Variants in RUVBL2 observed in about 807,000 individuals in gnomAD.
RUVBL2 encodes the protein RuvB like AAA ATPase 2.
RUVBL2 carries 9 observed loss-of-function variants against 57.9 expected under a neutral mutation model. That is an observed-to-expected ratio of 0.16 (90% CI 0.09 to 0.27). The LOEUF is 0.27. RUVBL2 is among the 10% of genes least tolerant of loss of function. The probability of loss-of-function intolerance (pLI) is 1.00; values close to 1 mark genes in which losing one functional copy is unlikely to be tolerated. For missense variants in RUVBL2, 456 were observed against 669.6 expected (o/e 0.68, Z 3.52); for synonymous variants, 278 against 264.6 (o/e 1.05, Z -0.49).
chr19:49,007,833 T>C (rs1392323724), intron 6 of RUVBL2, among the ~76,000 whole-genome samples: 1 of 151,892 alleles, frequency 6.6e-6, no homozygotes, highest in Non-Finnish European at 1.5e-5. Flanking sequence ...GCCTTCCGAG[T>C]AGCTGAGATT....
Position 49,010,478 on chromosome 19 carries a change from C to CCCCCCCCCCCCCCCCCT in RUVBL2, c.664-10_664-9insCCCCCCCCCCCCCCCCT. 1 of 1,574,634 alleles carries CCCCCCCCCCCCCCCCCT rather than the reference C, an allele frequency of 6.4e-7. No homozygotes were observed. The highest frequency in any genetic ancestry group is 8.7e-7 in the Non-Finnish European group (1 of 1,147,028). On this transcript the variant is annotated splice_polypyrimidine_tract_variant and intron_variant, in intron 8 of 14. Transcript: ENST00000595090. ...GTCTCCGCCGTTCTTCCCCCACCCCCGCCCCATAGACCAAGTTCGTGCAGT... is the reference window on the plus strand; with the variant it reads ...GTCTCCGCCGTTCTTCCCCCACCCCCCCCCCCCCCCCCCCCCTGCCCCATAGACCAAGTTCGTGCAGT...
chr19:48,996,749 A>G (rs1394570452), intron 1 of RUVBL2, among the ~76,000 whole-genome samples: 3 of 151,632 alleles, frequency 2.0e-5, no homozygotes, highest in Non-Finnish European at 4.4e-5. Flanking sequence ...CTAGTCTCGA[A>G]CTCCTGACCT....
chr19:48,993,605 G>GACC (rs2038989330), upstream of RUVBL2: 1 of 541,512 alleles, frequency 1.8e-6, no homozygotes, highest in Admixed American at 3.2e-5. Context: ...GAGCGTGGAG[G>GACC]ACGTGTGGTT....
chr19:49,006,461 A>T (rs1414010100), intron 4 of RUVBL2, among the ~76,000 whole-genome samples: 2 of 152,172 alleles, frequency 1.3e-5, no homozygotes, highest in East Asian at 3.9e-4. Context: ...GCCTGCCCAT[A>T]GTCACTCCTA....
intron 4 of RUVBL2, among the ~76,000 whole-genome samples, chr19:49,006,362 C>A (rs1316564168): frequency 1.3e-5 from 2 of 152,244 alleles, no homozygotes; most frequent in African/African-American, 4.8e-5. Flanking sequence ...TGCCAGCCAC[C>A]CCAGGCCACC....
At position 49,005,416 on chromosome 19, in the gene RUVBL2, G is replaced by A. The variant is rs188634906; in HGVS notation, c.265+998G>A. ...CTTCCAAGGCGACATGTGTTACAAT[G>A]CAGGTAGCATGTGACAGAGGAGGCT... is the stretch of plus-strand genomic sequence containing the variant. On this transcript the variant is annotated intron_variant, in intron 4 of 14. Coordinates refer to ENST00000595090, the MANE Select transcript of RUVBL2 (RefSeq NM_006666.3). Among the ~76,000 whole-genome samples the A allele has an allele frequency of 4.2e-4, 64 of 152,310 alleles. 1 individual carries two copies. The East Asian group carries it at 0.011, about 25-fold the overall frequency.
chr19:49,003,751 T>G lies in RUVBL2; in HGVS notation c.123+417T>G, dbSNP rs2039228165. ...ATGAGCCGAGATTGTGCCACTGCCC[T>G]CCAGCCTGGGTGACATCTCGGAAAA... On this transcript the variant is annotated intron_variant, in intron 3 of 14. Coordinates refer to ENST00000595090, the MANE Select transcript of RUVBL2 (RefSeq NM_006666.3). Among the ~76,000 whole-genome samples, 6 of 149,732 alleles carry G rather than the reference T, an allele frequency of 4.0e-5. No individual in the cohort carries two copies. In the South Asian group the frequency reaches 1.3e-3, roughly 32 times the overall value.
At chr19:49,014,239 C>T (rs1223159614) in intron 11 of RUVBL2, among the ~76,000 whole-genome samples, 1 of 152,242 alleles carries the variant, frequency 6.6e-6, no homozygotes, top group South Asian at 2.1e-4. Context: ...ATCCAGTAAT[C>T]CTGGAGGCAG....
chr19:49,011,143 G>C lies in RUVBL2; in HGVS notation c.883-49G>C, dbSNP rs377610764. The C allele has an allele frequency of 6.2e-7, 1 of 1,606,536 alleles. No homozygotes were observed. Among genetic ancestry groups the C allele is most frequent in the South Asian group, 1.1e-5 (1 of 90,652 alleles). ...GCGGGTGGTGGGGTGGAGGTGGGCC[G>C]GGGAAGTGGGGACGCGGGTGGTGAC... On this transcript the variant is annotated intron_variant, in intron 10 of 14. Coordinates refer to ENST00000595090, the MANE Select transcript of RUVBL2 (RefSeq NM_006666.3). The surrounding 1 kb of genome is among the most constrained non-coding windows in gnomAD (Gnocchi z 4.4).
intron 12 of RUVBL2, 127 bp downstream of exon 12, chr19:49,014,730 G>C: frequency 7.6e-7 from 1 of 1,312,862 alleles, no homozygotes; most frequent in Non-Finnish European, 1.0e-6. Context: ...GGCTGAGCGG[G>C]CACCCAGACG....
rs771003634 is a variant in RUVBL2, at chr19:49,015,434, C to G, written c.1252-138C>G. The G allele has an allele frequency of 3.9e-6, 3 of 772,356 alleles. No homozygotes were observed. The Admixed American group carries it at 6.4e-5, about 17-fold the overall frequency. The allele number at this position is 772,356 out of a possible 1,614,324, so 47.8% of individuals were successfully genotyped here. A position where few individuals can be genotyped will look rare whatever the true frequency, so the allele number is the denominator to read the frequency against. On this transcript the variant is annotated intron_variant, in intron 13 of 14. Transcript: ENST00000595090. ...GGAGATGGCCAGGCAGGATTTGAAC[C>G]CAGGCAATCTGGCCCAGAATGCCCT...
intron 13 of RUVBL2, 87 bp from the exon 14 acceptor site, chr19:49,015,485 C>A: frequency 9.5e-7 from 1 of 1,056,952 alleles, no homozygotes; most frequent in Non-Finnish European, 1.5e-6. Context: ...ACTCTGCTGC[C>A]TAGAGCATGG....
chr19:49,003,382 G>C, intron 3 of RUVBL2, 48 bp downstream of exon 3: 1 of 1,564,318 alleles, frequency 6.4e-7, no homozygotes, highest in South Asian at 1.1e-5. Flanking sequence ...TGAAGGTCTT[G>C]GGTAGTGGGT....
At position 49,010,059 on chromosome 19, in the gene RUVBL2, G is replaced by C; in HGVS notation, c.656G>C (p.Gly219Ala). Residue 219 changes from glycine (G) to alanine (A), a missense_variant, in exon 8 of 15, where the codon GGC becomes GCC. Coordinates refer to ENST00000595090, the MANE Select transcript of RUVBL2 (RefSeq NM_006666.3). The stretch of plus-strand genomic sequence containing the variant: ...CGCGCCCGCGACTACGACGCTATGG[G>C]CTCCCAGGTGCGGCCGGGACTCCCG... ...FTRARDYDAM[G>A]SQTKFVQCPD... 1 of 1,602,146 alleles carries C rather than the reference G, an allele frequency of 6.2e-7. No individual in the cohort carries two copies. Among genetic ancestry groups the C allele is most frequent in the South Asian group, 1.1e-5 (1 of 89,624 alleles).
At chr19:49,013,531 C>G (rs967267264) in intron 11 of RUVBL2, among the ~76,000 whole-genome samples, 4 of 152,244 alleles carry the variant, frequency 2.6e-5, no homozygotes, top group African/African-American at 9.6e-5. Context: ...ACAGACGCTT[C>G]GCTGAGCCCA....
At position 49,007,830 on chromosome 19, in the gene RUVBL2, G is replaced by A. The variant is rs143404642; in HGVS notation, c.462+462G>A. ...AGTGATTCTTCTGCCTCAGCCTTCC[G>A]AGTAGCTGAGATTACAGGTGTGTGC... On this transcript the variant is annotated intron_variant, in intron 6 of 14. Transcript: ENST00000595090. Among the ~76,000 whole-genome samples the A allele has an allele frequency of 4.1e-3, 619 of 151,910 alleles. 2 individuals are homozygous for A. Among genetic ancestry groups the A allele is most frequent in the African/African-American group, 0.014 (561 of 41,406 alleles).
intron 1 of RUVBL2, among the ~76,000 whole-genome samples, chr19:48,995,606 T>C (rs1390667179): frequency 2.0e-5 from 3 of 151,784 alleles, no homozygotes; most frequent in Non-Finnish European, 4.4e-5. Context: ...TCCCACACTT[T>C]GGGAGTCCGA....
intron 12 of RUVBL2, 131 bp downstream of exon 12, chr19:49,014,734 C>T (rs2039508012): frequency 7.7e-7 from 1 of 1,297,088 alleles, no homozygotes; most frequent in Non-Finnish European, 1.0e-6. Flanking sequence ...GAGCGGGCAC[C>T]CAGACGGTGG....
Position 49,015,565 on chromosome 19 carries a change from C to G in RUVBL2, c.1252-7C>G, listed in dbSNP as rs749057285. The G allele has an allele frequency of 6.2e-6, 10 of 1,609,552 alleles. No homozygotes were observed. The highest frequency in any genetic ancestry group is 2.2e-5 in the South Asian group (2 of 91,016). ...GGCCCAACTGAGGACTCGCCCTCCC[C>G]CTCCAGGGTACAGAAGTGCAGGTGG... is the stretch of plus-strand genomic sequence containing the variant. On this transcript the variant is annotated splice_polypyrimidine_tract_variant and splice_region_variant and intron_variant, in intron 13 of 14. Coordinates refer to ENST00000595090, the MANE Select transcript of RUVBL2 (RefSeq NM_006666.3).
Sources: gnomAD v4.1 joint callset for allele counts (sites outside exome capture counted in the v4.1 genomes callset) on GRCh38, gnomAD v4.1.1 for gene constraint, Gnocchi (gnomAD v3.1) non-coding constraint, MANE v1.5 for transcripts, NCBI Gene and HGNC (gene_info 2026-07-23, HGNC 2026-07-21) for gene names.